DLC1: variants seen among roughly 807,000 people sequenced by gnomAD.
The protein encoded by DLC1 is DLC1 Rho GTPase activating protein.
A neutral mutation model predicts 140.3 loss-of-function variants in DLC1; 54 were observed. The observed-to-expected ratio is 0.38, with a 90% CI of 0.31 to 0.48. DLC1 has a LOEUF of 0.48. Among genes scored for constraint, DLC1 ranks in the 20% least tolerant of loss-of-function variants. The probability of loss-of-function intolerance (pLI) is 0.96; values close to 1 mark genes in which losing one functional copy is unlikely to be tolerated. For missense variants in DLC1, 2,536 were observed against 1,907.0 expected (o/e 1.33, Z -6.14); for synonymous variants, 986 against 728.1 (o/e 1.35, Z -5.70).
intron 5 of DLC1, among the ~76,000 whole-genome samples, chr8:13,117,195 G>T (rs536214758): frequency 1.2e-4 from 19 of 152,324 alleles, no homozygotes; most frequent in African/African-American, 4.3e-4. Context: ...AATTAGACTG[G>T]GTGTGGTGGC....
chr8:13,199,501 A>G (rs1471549020), intron 5 of DLC1, among the ~76,000 whole-genome samples: 1 of 152,012 alleles, frequency 6.6e-6, no homozygotes, highest in African/African-American at 2.4e-5. Context: ...TCAGAACCCT[A>G]CTGCAACATC....
At chr8:13,314,731 G>T (rs767240049) in intron 4 of DLC1, among the ~76,000 whole-genome samples, 2 of 152,098 alleles carry the variant, frequency 1.3e-5, no homozygotes, top group Non-Finnish European at 2.9e-5. Flanking sequence ...ACCACAAAAA[G>T]AATACAGATT....
At chr8:13,431,223 G>T (rs934032346) in intron 2 of DLC1, among the ~76,000 whole-genome samples, 1 of 152,098 alleles carries the variant, frequency 6.6e-6, no homozygotes, top group Admixed American at 6.5e-5. Flanking sequence ...AGTGGCTCAC[G>T]CCTGTAATCC....
intron 1 of DLC1, among the ~76,000 whole-genome samples, chr8:13,505,038 A>G (rs1193499850): frequency 6.6e-6 from 1 of 152,238 alleles, no homozygotes; most frequent in Non-Finnish European, 1.5e-5. Context: ...TTTATAATAA[A>G]GTCAAGCAAT....
At chr8:13,224,389 C>T (rs541565606) in intron 5 of DLC1, among the ~76,000 whole-genome samples, 16 of 152,278 alleles carry the variant, frequency 1.1e-4, no homozygotes, top group African/African-American at 3.6e-4. Flanking sequence ...TGAGACCAAA[C>T]AGCACAGTCT....
intron 4 of DLC1, among the ~76,000 whole-genome samples, chr8:13,328,775 C>T (rs147579172): frequency 3.3e-4 from 49 of 148,496 alleles, no homozygotes; most frequent in African/African-American, 1.2e-3. Flanking sequence ...GAGCACCAGC[C>T]AGAGGTGAAA....
chr8:13,512,700 T>C (rs1388928799), intron 1 of DLC1, among the ~76,000 whole-genome samples: 1 of 152,116 alleles, frequency 6.6e-6, no homozygotes, highest in South Asian at 2.1e-4. Context: ...AAGTCATTGG[T>C]TGGGACAGTT....
chr8:13,259,080 T>G (rs1830375147), intron 5 of DLC1, among the ~76,000 whole-genome samples: 1 of 135,082 alleles, frequency 7.4e-6, no homozygotes, highest in African/African-American at 2.8e-5. Flanking sequence ...GAGGTTGCAG[T>G]GAGCCGAGAT....
intron 1 of DLC1, among the ~76,000 whole-genome samples, chr8:13,585,120 T>G (rs1805253233): frequency 6.6e-6 from 1 of 152,200 alleles, no homozygotes. Flanking sequence ...CACAAAAAAT[T>G]TTTAACAAAT....
At chr8:13,565,353 C>T (rs1804389964) in intron 1 of DLC1, among the ~76,000 whole-genome samples, 1 of 152,006 alleles carries the variant, frequency 6.6e-6, no homozygotes, top group South Asian at 2.1e-4. Flanking sequence ...TAAGATATAG[C>T]TAAAACATGA....
intron 4 of DLC1, among the ~76,000 whole-genome samples, chr8:13,307,081 CAAAAAAAAAAA>C (rs34372620): frequency 1.4e-5 from 1 of 70,148 alleles, no homozygotes; most frequent in African/African-American, 6.1e-5. Flanking sequence ...GAGACTCTGT[CAAAAAAAAAAA>C]AAAAAAAAAA....
At chr8:13,177,214 G>A (rs1825803229) in intron 5 of DLC1, among the ~76,000 whole-genome samples, 1 of 152,064 alleles carries the variant, frequency 6.6e-6, no homozygotes, top group African/African-American at 2.4e-5. Flanking sequence ...ACAAAGTTTT[G>A]TTTTAGGAAC....
chr8:13,283,795 A>G (rs892838994), intron 5 of DLC1, among the ~76,000 whole-genome samples: 4 of 152,206 alleles, frequency 2.6e-5, no homozygotes, highest in Admixed American at 6.5e-5. Context: ...GATTGCAGAT[A>G]TGAGCCACTC....
intron 4 of DLC1, among the ~76,000 whole-genome samples, chr8:13,356,916 G>T (rs966791454): frequency 6.6e-6 from 1 of 151,490 alleles, no homozygotes; most frequent in African/African-American, 2.4e-5. Flanking sequence ...TTAGTGTTAG[G>T]GTTGCAGAAA....
intron 1 of DLC1, among the ~76,000 whole-genome samples, chr8:13,603,646 C>T (rs937597803): frequency 1.2e-4 from 19 of 152,056 alleles, no homozygotes; most frequent in Admixed American, 3.3e-4. Flanking sequence ...ACGTTCAAGA[C>T]CCTTGCCCTG....
At chr8:13,565,286 T>C (rs1005856214) in intron 1 of DLC1, among the ~76,000 whole-genome samples, 17 of 152,206 alleles carry the variant, frequency 1.1e-4, no homozygotes, top group African/African-American at 3.4e-4. Flanking sequence ...ATTTGGCATG[T>C]TAGAAGACAC....
intron 2 of DLC1, among the ~76,000 whole-genome samples, chr8:13,461,250 A>G (rs944707640): frequency 1.3e-5 from 2 of 152,226 alleles, no homozygotes; most frequent in Non-Finnish European, 1.5e-5. Flanking sequence ...ATAACATGAT[A>G]ATGAGGGAAG....
chr8:13,211,265 A>G (rs73196144), intron 5 of DLC1, among the ~76,000 whole-genome samples: 4,413 of 152,320 alleles, frequency 0.029, 96 homozygotes, highest in Non-Finnish European at 0.045. Context: ...GAGCATAAAT[A>G]TAGCTAGCCA....
chr8:13,344,326 C>T (rs1834214902), intron 4 of DLC1, among the ~76,000 whole-genome samples: 1 of 151,914 alleles, frequency 6.6e-6, no homozygotes, highest in South Asian at 2.1e-4. Context: ...AAACTTTGTC[C>T]CTACTAAAAA....
Sources: allele counts gnomAD v4.1 joint callset (sites outside exome capture counted in the v4.1 genomes callset), GRCh38; gene constraint gnomAD v4.1.1; transcripts MANE v1.5; gene names NCBI Gene and HGNC (gene_info 2026-07-23, HGNC 2026-07-21).